The following GALNT13 variants were observed in gnomAD, a reference collection of about 807,000 sequenced individuals.
GALNT13 encodes UDP-GalNAc:polypeptide N-acetylgalactosaminyltransferase 13.
A neutral mutation model predicts 64.2 loss-of-function variants in GALNT13; 28 were observed. The ratio of observed to expected loss-of-function variants is 0.44; its 90% CI spans 0.32 to 0.60. GALNT13 has a LOEUF of 0.60. Ranked by LOEUF, GALNT13 falls within the 20% of genes least tolerant of loss-of-function variation. The probability of loss-of-function intolerance (pLI) is 0.05; values close to 1 mark genes in which losing one functional copy is unlikely to be tolerated. For missense variants in GALNT13, 577 were observed against 669.8 expected, an observed-to-expected ratio of 0.86 and a Z score of 1.53; for synonymous variants, 214 against 224.6, an observed-to-expected ratio of 0.95 and a Z score of 0.42.
chr2:153,631,011 C>G, the GALNT13 span, among the ~76,000 whole-genome samples: 4 of 150,778 alleles, frequency 2.7e-5, no homozygotes, highest in African/African-American at 9.7e-5. Flanking sequence ...CTTCCTGTGT[C>G]CAAGTGTTCT....
chr2:154,244,155 A>T (rs984555159), intron 6 of GALNT13, among the ~76,000 whole-genome samples: 2 of 152,128 alleles, frequency 1.3e-5, no homozygotes, highest in African/African-American at 4.8e-5. Context: ...TAATGTTTCA[A>T]TACGGTCATA....
the GALNT13 span, among the ~76,000 whole-genome samples, chr2:153,760,118 C>G: frequency 7.9e-5 from 12 of 151,860 alleles, no homozygotes; most frequent in Non-Finnish European, 1.5e-4. Context: ...TATAGCTATA[C>G]TATCAGTTGT....
chr2:153,525,566 G>A, the GALNT13 span, among the ~76,000 whole-genome samples: 1 of 152,156 alleles, frequency 6.6e-6, no homozygotes, highest in Non-Finnish European at 1.5e-5. Context: ...GATTTTCACT[G>A]AAGTGTGAAC....
At chr2:153,145,732 A>G in the GALNT13 span, among the ~76,000 whole-genome samples, 2 of 151,740 alleles carry the variant, frequency 1.3e-5, no homozygotes, top group African/African-American at 4.8e-5. Flanking sequence ...AGAGGCTGAA[A>G]CCTAATCCAT....
the GALNT13 span, chr2:153,762,357 C>T: frequency 2.0e-5 from 3 of 152,214 alleles, no homozygotes; most frequent in African/African-American, 7.2e-5. Flanking sequence ...TTCCTCTCTG[C>T]ATTCTTCTTC....
chr2:154,221,816 T>TTA (rs1325123281), intron 4 of GALNT13, among the ~76,000 whole-genome samples: 1 of 152,142 alleles, frequency 6.6e-6, no homozygotes, highest in Non-Finnish European at 1.5e-5. Flanking sequence ...TACTTGTTTA[T>TTA]CTTATTATGA....
chr2:153,258,678 G>C, the GALNT13 span, among the ~76,000 whole-genome samples: 118 of 152,010 alleles, frequency 7.8e-4, no homozygotes, highest in African/African-American at 2.7e-3. Context: ...TTTATTTCAA[G>C]ACATTTTAAA....
chr2:154,220,164 C>T (rs1688251316), intron 4 of GALNT13, among the ~76,000 whole-genome samples: 2 of 152,036 alleles, frequency 1.3e-5, no homozygotes, highest in Non-Finnish European at 2.9e-5. Context: ...CTGTCCACTT[C>T]AATGAGTACT....
chr2:154,445,599 A>G (rs552714112), intron 12 of GALNT13, among the ~76,000 whole-genome samples: 1 of 151,860 alleles, frequency 6.6e-6, no homozygotes, highest in Non-Finnish European at 1.5e-5. Context: ...TTACAGTTTT[A>G]ATATTAACTA....
chr2:154,427,185 T>C (rs1700509427), intron 11 of GALNT13, among the ~76,000 whole-genome samples: 1 of 152,220 alleles, frequency 6.6e-6, no homozygotes, highest in Non-Finnish European at 1.5e-5. Context: ...ATATTTATCC[T>C]TTTTCTCAGA....
At chr2:153,078,766 C>A in the GALNT13 span, among the ~76,000 whole-genome samples, 1 of 152,090 alleles carries the variant, frequency 6.6e-6, no homozygotes, top group Non-Finnish European at 1.5e-5. Flanking sequence ...TCATTACTTT[C>A]AGAAAATGTT....
At chr2:153,221,213 G>A in the GALNT13 span, among the ~76,000 whole-genome samples, 3 of 152,084 alleles carry the variant, frequency 2.0e-5, no homozygotes, top group Non-Finnish European at 4.4e-5. Flanking sequence ...CCCGGGAGGC[G>A]GAGGTTGCTG....
chr2:154,351,172 C>T (rs914568054), intron 9 of GALNT13, among the ~76,000 whole-genome samples: 5 of 152,018 alleles, frequency 3.3e-5, no homozygotes, highest in African/African-American at 9.7e-5. Flanking sequence ...AATGACTTTG[C>T]GCTTTGGCTG....
At chr2:154,191,005 GC>G (rs1039887499) in intron 4 of GALNT13, among the ~76,000 whole-genome samples, 4 of 152,006 alleles carry the variant, frequency 2.6e-5, no homozygotes, top group Admixed American at 2.6e-4. Flanking sequence ...ATGCTCAATA[GC>G]CACATGCTTC....
At chr2:153,969,035 A>AT (rs1426116955) in intron 3 of GALNT13, among the ~76,000 whole-genome samples, 1 of 151,982 alleles carries the variant, frequency 6.6e-6, no homozygotes, top group Non-Finnish European at 1.5e-5. Context: ...ATGAATTTTA[A>AT]TTTTTTGATA....
At chr2:153,391,382 C>T in the GALNT13 span, among the ~76,000 whole-genome samples, 3 of 151,920 alleles carry the variant, frequency 2.0e-5, no homozygotes, top group Admixed American at 6.6e-5. Context: ...TCGAGCTATG[C>T]GGCTACTCAG....
At chr2:153,318,369 T>C in the GALNT13 span, among the ~76,000 whole-genome samples, 1 of 152,196 alleles carries the variant, frequency 6.6e-6, no homozygotes, top group Admixed American at 6.5e-5. Flanking sequence ...TGTTCAGGAA[T>C]GGGCAGGTGA....
intron 9 of GALNT13, among the ~76,000 whole-genome samples, chr2:154,322,117 G>A (rs1003794988): frequency 5.7e-5 from 4 of 70,642 alleles, no homozygotes; most frequent in African/African-American, 2.2e-4. Flanking sequence ...GAAATTTTGA[G>A]TTTGAGTTTA....
rs146631186 is a variant in GALNT13, at chr2:153,914,772, T to C, written c.-105+13765T>C. ...TTAGTATGGTACCTGGGGCACATGA[T>C]AGTTTTTTCAGTGTTTTTTTTCCAA... On this transcript the variant is annotated intron_variant, in intron 2 of 12. Coordinates refer to ENST00000392825, the MANE Select transcript of GALNT13 (RefSeq NM_052917.4). Among the ~76,000 whole-genome samples, 623 of 152,298 alleles carry C rather than the reference T, an allele frequency of 4.1e-3. 3 individuals are homozygous for C. The highest frequency in any genetic ancestry group is 0.014 in the African/African-American group (591 of 41,572).
Sources: allele counts gnomAD v4.1 joint callset (sites outside exome capture counted in the v4.1 genomes callset), GRCh38; gene constraint gnomAD v4.1.1; transcripts MANE v1.5; gene names NCBI Gene and HGNC (gene_info 2026-07-23, HGNC 2026-07-21).